Variants in PTGER3 observed in about 807,000 individuals in gnomAD.
The protein encoded by PTGER3 is prostaglandin E2 receptor EP3 subtype.
PTGER3 carries 22 observed loss-of-function variants against 34.7 expected under a neutral mutation model. The ratio of observed to expected loss-of-function variants is 0.63; its 90% CI spans 0.45 to 0.91. The LOEUF (loss-of-function observed/expected upper bound fraction) is 0.91. Among genes scored for constraint, PTGER3 ranks in the 40% least tolerant of loss-of-function variants. The pLI is 0.00. For synonymous variants in PTGER3, 241 were observed against 230.1 expected, an observed-to-expected ratio of 1.05 and a Z score of -0.43; for missense variants, 468 against 519.4, an observed-to-expected ratio of 0.90 and a Z score of 0.96.
intron 2 of PTGER3, among the ~76,000 whole-genome samples, chr1:70,956,329 G>C (rs1200056469): frequency 2.6e-5 from 4 of 151,990 alleles, no homozygotes; most frequent in Non-Finnish European, 5.9e-5. Flanking sequence ...GGAAAACACA[G>C]CAAGAAGTGT....
At chr1:70,898,886 A>G (rs1365912854) in intron 4 of PTGER3, among the ~76,000 whole-genome samples, 1 of 152,180 alleles carries the variant, frequency 6.6e-6, no homozygotes, top group Non-Finnish European at 1.5e-5. Flanking sequence ...TCAAAGTTGT[A>G]ATGTCTTAAG....
chr1:71,018,122 A>G lies in PTGER3; in HGVS notation c.898-5638T>C, dbSNP rs1658078009. Reference sequence around the variant, plus strand: ...GACTAATACAGCCACCAAGATTACAATAATTTGCTACAGCAGCAGTAGAAA... The same window carrying G: ...GACTAATACAGCCACCAAGATTACAGTAATTTGCTACAGCAGCAGTAGAAA... On this transcript the variant is annotated intron_variant, in intron 1 of 3. Coordinates refer to ENST00000306666, the MANE Select transcript of PTGER3 (RefSeq NM_198719.2). Among the ~76,000 whole-genome samples the G allele has an allele frequency of 1.3e-5, 2 of 152,142 alleles. 1 individual carries two copies. Among genetic ancestry groups the G allele is most frequent in the South Asian group, 4.1e-4 (2 of 4,820 alleles).
intron 4 of PTGER3, among the ~76,000 whole-genome samples, chr1:70,870,711 A>G (rs958498396): frequency 6.6e-6 from 1 of 152,178 alleles, no homozygotes; most frequent in Non-Finnish European, 1.5e-5. Context: ...TCAAGTTCAA[A>G]CTTCCACAGA....
chr1:70,859,213 C>A, intron 4 of PTGER3, among the ~76,000 whole-genome samples: 1 of 152,142 alleles, frequency 6.6e-6, no homozygotes, highest in East Asian at 1.9e-4. Context: ...ATAAATTATT[C>A]CTTAGAAAGA....
chr1:71,020,913 A>G (rs1658360460), intron 1 of PTGER3, among the ~76,000 whole-genome samples: 1 of 152,108 alleles, frequency 6.6e-6, no homozygotes, highest in African/African-American at 2.4e-5. Flanking sequence ...CTTACTGTGT[A>G]TCGTCTCCAA....
At chr1:70,952,357 C>A (rs1046471114), downstream of PTGER3, 3 of 940,320 alleles carry the variant, frequency 3.2e-6, no homozygotes, top group African/African-American at 5.3e-5. Flanking sequence ...CTACATCACA[C>A]TTCCTAGTTT....
At chr1:70,932,977 C>G (rs1266610360) in intron 4 of PTGER3, among the ~76,000 whole-genome samples, 1 of 152,042 alleles carries the variant, frequency 6.6e-6, no homozygotes, top group African/African-American at 2.4e-5. Context: ...CAGGGGTTCT[C>G]TCAGTAACTA....
intron 2 of PTGER3, among the ~76,000 whole-genome samples, chr1:70,992,881 C>T (rs1655599895): frequency 1.3e-5 from 2 of 152,192 alleles, no homozygotes; most frequent in Admixed American, 6.5e-5. Context: ...TAATGATCAT[C>T]CATGCTAATT....
At chr1:70,917,437 G>A (rs1647203129) in intron 4 of PTGER3, among the ~76,000 whole-genome samples, 1 of 135,766 alleles carries the variant, frequency 7.4e-6, no homozygotes, top group Non-Finnish European at 1.5e-5. Context: ...GTGTGTGTGT[G>A]TGTGTATACA....
At chr1:71,010,373 TA>T (rs1400200784) in intron 2 of PTGER3, 2 of 984,800 alleles carry the variant, frequency 2.0e-6, no homozygotes, top group East Asian at 2.3e-4. Flanking sequence ...AATCATATGG[TA>T]TGTGCCTTGC....
At chr1:70,940,812 G>C (rs1009691760) in intron 4 of PTGER3, among the ~76,000 whole-genome samples, 7 of 152,026 alleles carry the variant, frequency 4.6e-5, no homozygotes, top group African/African-American at 1.4e-4. Context: ...CATATCACCT[G>C]GGTATTCCTT....
rs1352052475 is a variant in PTGER3, at chr1:70,912,492, T to G, written c.*23+41271A>C. On this transcript the variant is annotated intron_variant, in intron 4 of 4. Coordinates refer to the PTGER3 transcript ENST00000370931. ...AGAGTTTGTTTTTCATTGCTTTTCT[T>G]TCTTTCCTACTGACTATCATATACA... Among the ~76,000 whole-genome samples, 4 of 152,058 alleles carry G rather than the reference T, an allele frequency of 2.6e-5. No individual in the cohort carries two copies. In the East Asian group the frequency reaches 7.7e-4, roughly 29 times the overall value.
In PTGER3 at chr1:71,047,428, C is replaced by A. The variant is rs763816688; in HGVS notation, c.150G>T (p.Val50=). 8 of 1,611,540 alleles carry A rather than the reference C, an allele frequency of 5.0e-6. No homozygotes were observed. Among genetic ancestry groups the A allele is most frequent in the Non-Finnish European group, 6.8e-6 (8 of 1,179,662 alleles). ...GCATGGTGATCGGGAAGGCCACGGACACCGATCCGCAATCCTCGCCAGACC... is the reference window on the plus strand; with the variant it reads ...GCATGGTGATCGGGAAGGCCACGGAAACCGATCCGCAATCCTCGCCAGACC... ...PPGSGEDCGS[V]SVAFPITMLL... is the part of the protein sequence containing the mutation. Residue 50 remains valine (V), a synonymous_variant, in exon 1 of 4, where the codon GTG becomes GTT. Transcript: ENST00000306666.
chr1:70,896,358 A>C (rs536614216), intron 4 of PTGER3, among the ~76,000 whole-genome samples: 237 of 152,330 alleles, frequency 1.6e-3, no homozygotes, highest in Non-Finnish European at 3.0e-3. Context: ...AGATGTATAC[A>C]AAGAGGAAGA....
intron 4 of PTGER3, among the ~76,000 whole-genome samples, chr1:70,936,422 T>G (rs1257351574): frequency 3.3e-5 from 5 of 152,194 alleles, no homozygotes; most frequent in Non-Finnish European, 7.3e-5. Context: ...CAGTTATTAA[T>G]TCATCATTTA....
chr1:70,943,381 T>C (rs990464683), intron 4 of PTGER3, among the ~76,000 whole-genome samples: 9 of 152,162 alleles, frequency 5.9e-5, no homozygotes, highest in African/African-American at 2.2e-4. Flanking sequence ...GATTTCATCA[T>C]TGGAGATTGA....
chr1:71,018,734 GTCC>G (rs1196206984), intron 1 of PTGER3, among the ~76,000 whole-genome samples: 15 of 152,058 alleles, frequency 9.9e-5, no homozygotes, highest in African/African-American at 3.4e-4. Context: ...ATTTTACACA[GTCC>G]TCCTTGATTA....
At chr1:71,009,872 T>C (rs751943339) in intron 2 of PTGER3, 4 of 985,116 alleles carry the variant, frequency 4.1e-6, no homozygotes, top group South Asian at 9.4e-5. Flanking sequence ...TAACCACCGC[T>C]CTAGTCTCTG....
chr1:70,874,742 T>C (rs1282178593), intron 4 of PTGER3, among the ~76,000 whole-genome samples: 1 of 152,206 alleles, frequency 6.6e-6, no homozygotes, highest in African/African-American at 2.4e-5. Context: ...TCCAGAACTG[T>C]CATCAAATCA....
Sources: allele counts gnomAD v4.1 joint callset (sites outside exome capture counted in the v4.1 genomes callset), GRCh38; gene constraint gnomAD v4.1.1; transcripts MANE v1.5; gene names NCBI Gene and HGNC (gene_info 2026-07-23, HGNC 2026-07-21).